PBX3: variants seen among roughly 807,000 people sequenced by gnomAD.
PBX3 encodes pre-B-cell leukemia transcription factor 3.
Under a neutral mutation model 48.5 loss-of-function variants are expected in PBX3, and 14 were observed. The observed-to-expected ratio is 0.29, with a 90% CI of 0.19 to 0.45. The LOEUF is 0.45. Among genes scored for constraint, PBX3 ranks in the 20% least tolerant of loss-of-function variants. The pLI, the probability that PBX3 is intolerant of heterozygous loss-of-function variation, is 1.00. For missense variants in PBX3, 386 were observed against 546.7 expected, an observed-to-expected ratio of 0.71 and a Z score of 2.93; for synonymous variants, 210 against 200.3, an observed-to-expected ratio of 1.05 and a Z score of -0.41.
At chr9:125,878,197 C>G (rs1840300119) in intron 2 of PBX3, among the ~76,000 whole-genome samples, 1 of 152,174 alleles carries the variant, frequency 6.6e-6, no homozygotes, top group Admixed American at 6.5e-5. Flanking sequence ...AAGGATTTGT[C>G]TGAGAAGAGC....
At chr9:125,917,869 T>C (rs2026134) in intron 3 of PBX3, among the ~76,000 whole-genome samples, 102,768 of 151,992 alleles carry the variant, frequency 0.68, 35,212 homozygotes, top group East Asian at 0.77. Flanking sequence ...AATAACTTCT[T>C]GTGGAAAATG....
intron 2 of PBX3, among the ~76,000 whole-genome samples, chr9:125,900,484 A>G (rs1224275201): frequency 1.3e-5 from 2 of 151,578 alleles, no homozygotes; most frequent in African/African-American, 4.8e-5. Flanking sequence ...TCAGGCCGCA[A>G]TATTCTAATG....
intron 2 of PBX3, among the ~76,000 whole-genome samples, chr9:125,832,549 G>T (rs1394489212): frequency 6.6e-6 from 1 of 152,210 alleles, no homozygotes; most frequent in African/African-American, 2.4e-5. Context: ...TTTCTGTGCA[G>T]TTTTTTGGGA....
Position 125,881,368 on chromosome 9 carries a change from G to T in PBX3, c.275-34318G>T, listed in dbSNP as rs182662897. 4.5e-4 allele frequency among the ~76,000 whole-genome samples: 69 copies of T among 152,298 alleles called. No homozygotes were observed. The East Asian group carries it at 0.012, about 27-fold the overall frequency. ...TGTGTTGGGATGGTAGATTTTAACA[G>T]CTCTCTGTGTCACTGGCTGCTGACT... On this transcript the variant is annotated intron_variant, in intron 2 of 8. Transcript: ENST00000373489.
At chr9:125,950,029 G>A (rs1027239380) in intron 5 of PBX3, among the ~76,000 whole-genome samples, 5 of 151,826 alleles carry the variant, frequency 3.3e-5, no homozygotes, top group African/African-American at 1.2e-4. Context: ...CTATTGAGTT[G>A]TATACCTACC....
intron 2 of PBX3, among the ~76,000 whole-genome samples, chr9:125,832,134 C>G (rs1001233693): frequency 6.6e-6 from 1 of 151,666 alleles, no homozygotes; most frequent in Admixed American, 6.6e-5. Flanking sequence ...TTATTCTTAA[C>G]AAAATTAAGA....
At chr9:125,785,768 CAT>C (rs1443178370) in intron 2 of PBX3, among the ~76,000 whole-genome samples, 1 of 152,268 alleles carries the variant, frequency 6.6e-6, no homozygotes, top group East Asian at 1.9e-4. Context: ...CAGAAACAAA[CAT>C]AGTTCTTGAG....
chr9:125,939,202 C>T (rs565042436), intron 5 of PBX3, among the ~76,000 whole-genome samples: 5 of 151,962 alleles, frequency 3.3e-5, no homozygotes, highest in Non-Finnish European at 7.4e-5. Flanking sequence ...AAGATATTTA[C>T]AAGTGTATAA....
chr9:125,833,351 G>T (rs893754257), intron 2 of PBX3, among the ~76,000 whole-genome samples: 1 of 152,050 alleles, frequency 6.6e-6, no homozygotes, highest in Non-Finnish European at 1.5e-5. Context: ...GGGCGTGGTG[G>T]TGCACACCTG....
intron 5 of PBX3, chr9:125,949,563 G>GAATCT: frequency 7.6e-7 from 1 of 1,312,684 alleles, no homozygotes; most frequent in Non-Finnish European, 9.9e-7. Context: ...CTCCAAAAAT[G>GAATCT]CATGAGATTC....
At chr9:125,933,310 T>G (rs192686414) in intron 4 of PBX3, among the ~76,000 whole-genome samples, 23 of 152,294 alleles carry the variant, frequency 1.5e-4, no homozygotes, top group Non-Finnish European at 2.8e-4. Flanking sequence ...GCAAAACATT[T>G]AAGAATAAAT....
At chr9:125,750,169 T>A (rs1452303297) in intron 2 of PBX3, among the ~76,000 whole-genome samples, 1 of 152,218 alleles carries the variant, frequency 6.6e-6, no homozygotes, top group East Asian at 1.9e-4. Context: ...CTATCAGGGC[T>A]CCACTTCAGT....
intron 2 of PBX3, among the ~76,000 whole-genome samples, chr9:125,885,792 T>C (rs1365849128): frequency 9.8e-6 from 1 of 102,218 alleles, no homozygotes; most frequent in Non-Finnish European, 2.1e-5. Context: ...TTCTTAACTG[T>C]AGGGGATGTG....
intron 2 of PBX3, among the ~76,000 whole-genome samples, chr9:125,791,299 CTGT>C (rs1211119248): frequency 4.2e-5 from 5 of 119,118 alleles, no homozygotes; most frequent in South Asian, 2.9e-4. Flanking sequence ...GTCTGTCTGT[CTGT>C]CTATCTATCT....
chr9:125,871,004 T>A (rs1003178306), intron 2 of PBX3, among the ~76,000 whole-genome samples: 1 of 152,186 alleles, frequency 6.6e-6, no homozygotes, highest in African/African-American at 2.4e-5. Context: ...CCTACCAATC[T>A]AGCAATTCCA....
chr9:125,801,815 A>T (rs1837956901), intron 2 of PBX3, among the ~76,000 whole-genome samples: 1 of 151,980 alleles, frequency 6.6e-6, no homozygotes, highest in South Asian at 2.1e-4. Context: ...ACACACACAC[A>T]CACACACACA....
At chr9:125,905,241 T>G (rs781022015) in intron 2 of PBX3, among the ~76,000 whole-genome samples, 1 of 152,116 alleles carries the variant, frequency 6.6e-6, no homozygotes, top group East Asian at 1.9e-4. Context: ...AAATTGACTT[T>G]CCTAATTAAT....
intron 2 of PBX3, among the ~76,000 whole-genome samples, chr9:125,909,024 C>CT: frequency 6.6e-6 from 1 of 152,238 alleles, no homozygotes; most frequent in East Asian, 1.9e-4. Flanking sequence ...GCCCTGTTCT[C>CT]TTCTTGTGTA....
intron 2 of PBX3, among the ~76,000 whole-genome samples, chr9:125,873,449 G>A (rs941170840): frequency 1.2e-4 from 19 of 152,046 alleles, no homozygotes; most frequent in African/African-American, 4.3e-4. Flanking sequence ...TTAACTATGA[G>A]TCAAACTTTA....
Sources: allele counts gnomAD v4.1 joint callset (sites outside exome capture counted in the v4.1 genomes callset), GRCh38; gene constraint gnomAD v4.1.1; transcripts MANE v1.5; gene names NCBI Gene and HGNC (gene_info 2026-07-23, HGNC 2026-07-21).